POU2F1: variants seen among roughly 807,000 people sequenced by gnomAD.
POU2F1 encodes POU domain, class 2, transcription factor 1.
POU2F1 carries 16 observed loss-of-function variants against 84.9 expected under a neutral mutation model. The observed-to-expected ratio is 0.19, with a 90% CI of 0.13 to 0.29. The LOEUF (loss-of-function observed/expected upper bound fraction) is 0.29. Ranked by LOEUF, POU2F1 falls within the 10% of genes least tolerant of loss-of-function variation. The pLI is 1.00. For missense variants in POU2F1, 738 were observed against 942.6 expected (o/e 0.78, Z 2.84); for synonymous variants, 368 against 368.3 (o/e 1.00, Z 0.01).
chr1:167,381,603 C>CTTTTTTTTTTTTTTTTTTTTTTTTTTTT (rs147770215), intron 7 of POU2F1, among the ~76,000 whole-genome samples: 1 of 65,988 alleles, frequency 1.5e-5, no homozygotes, highest in Non-Finnish European at 2.7e-5. Context: ...GCTCTCTTCT[C>CTTTTTTTTTTTTTTTTTTTTTTTTTTTT]TTTTTTTTTT....
At chr1:167,302,825 A>T (rs1349789480) in intron 1 of POU2F1, among the ~76,000 whole-genome samples, 1 of 152,176 alleles carries the variant, frequency 6.6e-6, no homozygotes, top group Non-Finnish European at 1.5e-5. Flanking sequence ...AGTATATGTT[A>T]AATAAGAGTC....
In POU2F1 at chr1:167,406,038, A is replaced by G. The variant is rs182764173; in HGVS notation, c.1555+4482A>G. Among the ~76,000 whole-genome samples, 290 of 151,076 alleles carry G rather than the reference A, an allele frequency of 1.9e-3. 2 individuals carry two copies. Among genetic ancestry groups the G allele is most frequent in the Non-Finnish European group, 3.6e-3 (242 of 67,814 alleles). On this transcript the variant is annotated intron_variant, in intron 13 of 15. Transcript: ENST00000367866. ...TTCCTATCAGGCCGGTATTACCCAG[A>G]TACCTAAGCTTAGATAAATAGCACA...
intron 1 of POU2F1, among the ~76,000 whole-genome samples, chr1:167,328,267 A>G (rs2209012): frequency 0.73 from 111,406 of 151,998 alleles, 41,019 homozygotes; most frequent in East Asian, 0.87. Context: ...TAATTTGGTA[A>G]TATAAAAAGA....
At chr1:167,222,327 A>C (rs1648292051) in intron 1 of POU2F1, among the ~76,000 whole-genome samples, 2 of 152,120 alleles carry the variant, frequency 1.3e-5, no homozygotes, top group Non-Finnish European at 2.9e-5. Context: ...CATTTGAATA[A>C]TGTCTAATTC....
At chr1:167,249,574 C>CT (rs1448066088) in intron 1 of POU2F1, among the ~76,000 whole-genome samples, 1 of 152,142 alleles carries the variant, frequency 6.6e-6, no homozygotes, top group Non-Finnish European at 1.5e-5. Flanking sequence ...TTCATGGACC[C>CT]TGTGGTCTCA....
intron 1 of POU2F1, among the ~76,000 whole-genome samples, chr1:167,257,128 T>C (rs1651197485): frequency 6.6e-6 from 1 of 152,198 alleles, no homozygotes; most frequent in Non-Finnish European, 1.5e-5. Context: ...CAGGGAACCA[T>C]TTATTGTTTT....
intron 1 of POU2F1, among the ~76,000 whole-genome samples, chr1:167,286,625 A>G (rs903071209): frequency 3.3e-5 from 5 of 152,178 alleles, no homozygotes; most frequent in Admixed American, 6.5e-5. Context: ...AGCACTAGAG[A>G]TGTCTGTTAA....
intron 1 of POU2F1, among the ~76,000 whole-genome samples, chr1:167,239,516 G>A (rs1649750171): frequency 1.3e-5 from 2 of 152,304 alleles, no homozygotes; most frequent in Middle Eastern, 3.4e-3. Context: ...AACTGCTTTA[G>A]TGGCTTAATG....
chr1:167,409,847 A>G (rs183665827), intron 13 of POU2F1, among the ~76,000 whole-genome samples: 1 of 152,348 alleles, frequency 6.6e-6, no homozygotes, highest in Non-Finnish European at 1.5e-5. Context: ...TAGTACCCAT[A>G]GGTAAAATCA....
chr1:167,332,353 C>G (rs772786747), intron 1 of POU2F1, 117 bp from the exon 2 acceptor site: 13 of 680,724 alleles, frequency 1.9e-5, no homozygotes, highest in Non-Finnish European at 3.3e-5. Flanking sequence ...ACTGGGTCTT[C>G]TTAAACTATA....
intron 13 of POU2F1, among the ~76,000 whole-genome samples, chr1:167,405,982 A>G (rs934895317): frequency 1.3e-5 from 2 of 152,258 alleles, no homozygotes; most frequent in Non-Finnish European, 2.9e-5. Context: ...TAAAACATGC[A>G]TCAAAGAAGA....
intron 1 of POU2F1, among the ~76,000 whole-genome samples, chr1:167,317,949 A>G (rs1314306829): frequency 6.6e-6 from 1 of 152,212 alleles, no homozygotes; most frequent in Admixed American, 6.5e-5. Context: ...GACTATACAC[A>G]GACAACACAG....
At position 167,379,939 on chromosome 1, in the gene POU2F1, T is replaced by C. The variant is rs1557942164; in HGVS notation, c.718+3784T>C. The C allele has an allele frequency of 2.0e-5, 3 of 152,338 alleles. No homozygotes were observed. In the South Asian group the frequency reaches 6.2e-4, roughly 32 times the overall value. The allele number at this position is 152,338 out of a possible 1,614,324, so 9.4% of individuals were successfully genotyped here. A position where few individuals can be genotyped will look rare whatever the true frequency, so the allele number is the denominator to read the frequency against. On this transcript the variant is annotated intron_variant, in intron 7 of 15. Coordinates refer to ENST00000367866, the MANE Select transcript of POU2F1 (RefSeq NM_002697.4). Reference sequence around the variant, plus strand: ...AACACTCCCCCAACTTCCAGACTTTTATAAGATTGGGAAAATAGCACAGAT... The same window carrying C: ...AACACTCCCCCAACTTCCAGACTTTCATAAGATTGGGAAAATAGCACAGAT...
At chr1:167,343,545 G>A (rs1657993648) in intron 2 of POU2F1, among the ~76,000 whole-genome samples, 1 of 149,746 alleles carries the variant, frequency 6.7e-6, no homozygotes, top group Admixed American at 6.7e-5. Flanking sequence ...CTTGCTTGAA[G>A]CCAAAAACTA....
intron 3 of POU2F1, among the ~76,000 whole-genome samples, chr1:167,367,057 C>T (rs1659723124): frequency 6.6e-6 from 1 of 152,102 alleles, no homozygotes. Flanking sequence ...CACTGATTAC[C>T]AAAATCACAG....
Position 167,285,029 on chromosome 1 carries a change from A to G in POU2F1, c.62-47441A>G, listed in dbSNP as rs555690348. 5.3e-5 allele frequency among the ~76,000 whole-genome samples: 8 copies of G among 152,334 alleles called. No individual in the cohort carries two copies. In the East Asian group the frequency reaches 1.5e-3, roughly 29 times the overall value. On this transcript the variant is annotated intron_variant, in intron 1 of 15. Transcript: ENST00000367866. ...TTGTTTACTTAAATGTGGAAATTAT[A>G]TTCTAAATCACTTGGCAGCTGTGAT...
intron 4 of POU2F1, among the ~76,000 whole-genome samples, chr1:167,371,353 A>G (rs891432769): frequency 3.9e-5 from 6 of 152,248 alleles, no homozygotes; most frequent in Admixed American, 3.9e-4. Flanking sequence ...CAGAATTTTA[A>G]TGCTTTGCAT....
chr1:167,349,949 T>G (rs958664059), intron 2 of POU2F1, among the ~76,000 whole-genome samples: 1 of 152,346 alleles, frequency 6.6e-6, no homozygotes, highest in South Asian at 2.1e-4. Flanking sequence ...AAATTTCTAC[T>G]GAACTGTAAA....
chr1:167,231,455 C>T (rs1252906248), intron 1 of POU2F1, among the ~76,000 whole-genome samples: 2 of 152,084 alleles, frequency 1.3e-5, no homozygotes, highest in African/African-American at 4.8e-5. Context: ...TTGAAACATC[C>T]TATTAGAATG....
Sources: allele counts gnomAD v4.1 joint callset (sites outside exome capture counted in the v4.1 genomes callset), GRCh38; gene constraint gnomAD v4.1.1; transcripts MANE v1.5; gene names NCBI Gene and HGNC (gene_info 2026-07-23, HGNC 2026-07-21).